Variants in JAZF1 observed in about 807,000 individuals in gnomAD.
The protein encoded by JAZF1 is juxtaposed with another zinc finger protein 1.
JAZF1 carries 8 observed loss-of-function variants against 26.4 expected under a neutral mutation model. The ratio of observed to expected loss-of-function variants is 0.30; its 90% CI spans 0.18 to 0.55. The LOEUF (loss-of-function observed/expected upper bound fraction) is 0.55, where lower values mean the gene tolerates loss of function less well. Ranked by LOEUF, JAZF1 falls within the 20% of genes least tolerant of loss-of-function variation. The pLI is 0.94. For missense variants in JAZF1, 199 were observed against 322.0 expected (o/e 0.62, Z 2.92); for synonymous variants, 126 against 122.3 (o/e 1.03, Z -0.20).
intron 1 of JAZF1, among the ~76,000 whole-genome samples, chr7:28,015,242 A>G (rs762595152): frequency 2.0e-5 from 3 of 152,138 alleles, no homozygotes; most frequent in Admixed American, 6.5e-5. Context: ...CATTTTAAAC[A>G]TTAGGGAACT....
At chr7:28,145,945 T>G (rs1454541523) in intron 1 of JAZF1, among the ~76,000 whole-genome samples, 1 of 152,232 alleles carries the variant, frequency 6.6e-6, no homozygotes, top group Admixed American at 6.5e-5. Flanking sequence ...TGTTGCTATG[T>G]GGATGAGGAG....
chr7:28,038,973 A>C (rs1160802504), intron 1 of JAZF1, among the ~76,000 whole-genome samples: 1 of 152,210 alleles, frequency 6.6e-6, no homozygotes, highest in Non-Finnish European at 1.5e-5. Context: ...AGCAGGTATT[A>C]TCTTTTATCT....
At chr7:27,896,401 A>G (rs1163949654) in intron 2 of JAZF1, among the ~76,000 whole-genome samples, 1 of 152,228 alleles carries the variant, frequency 6.6e-6, no homozygotes, top group South Asian at 2.1e-4. Flanking sequence ...CATAGAAAGC[A>G]TAGTCCATAA....
chr7:28,013,559 C>T (rs1368428093), intron 1 of JAZF1, among the ~76,000 whole-genome samples: 2 of 151,994 alleles, frequency 1.3e-5, no homozygotes, highest in African/African-American at 4.8e-5. Flanking sequence ...TCCCAGGTGA[C>T]GATGATGCTG....
At chr7:27,855,536 CACT>C (rs1408934791) in intron 3 of JAZF1, among the ~76,000 whole-genome samples, 1 of 152,092 alleles carries the variant, frequency 6.6e-6, no homozygotes, top group Non-Finnish European at 1.5e-5. Flanking sequence ...AGGATATCAC[CACT>C]GATTCCACAG....
chr7:27,855,377 G>C (rs1783227675), intron 3 of JAZF1, among the ~76,000 whole-genome samples: 1 of 151,986 alleles, frequency 6.6e-6, no homozygotes, highest in South Asian at 2.1e-4. Context: ...ACTAAGAGCA[G>C]AACTGAAGGA....
At chr7:28,037,580 A>G (rs924542018) in intron 1 of JAZF1, among the ~76,000 whole-genome samples, 1 of 152,158 alleles carries the variant, frequency 6.6e-6, no homozygotes, top group African/African-American at 2.4e-5. Flanking sequence ...CACTTCTCAG[A>G]GCCTCTTTTT....
intron 3 of JAZF1, among the ~76,000 whole-genome samples, chr7:27,856,818 CTAGA>C (rs1379914878): frequency 6.6e-5 from 10 of 152,218 alleles, no homozygotes; most frequent in Admixed American, 5.2e-4. Context: ...ACCAGAGTAA[CTAGA>C]TAGAGAGTGC....
Position 28,007,233 on chromosome 7 carries a change from C to T in JAZF1, c.116-15252G>A, listed in dbSNP as rs984615512. The stretch of plus-strand genomic sequence containing the variant: ...TCTCATGCCCAGTACTTCGGGAGGC[C>T]GAGGTGGGCAGATCACCTGAGGTTA... On this transcript the variant is annotated intron_variant, in intron 1 of 4. Coordinates refer to ENST00000283928, the MANE Select transcript of JAZF1 (RefSeq NM_175061.4). Among the ~76,000 whole-genome samples, 8 of 152,204 alleles carry T rather than the reference C, an allele frequency of 5.3e-5. No homozygotes were observed. In the East Asian group the frequency reaches 5.8e-4, roughly 11 times the overall value.
intron 1 of JAZF1, among the ~76,000 whole-genome samples, chr7:28,137,298 C>T (rs908218433): frequency 7.2e-5 from 11 of 152,180 alleles, no homozygotes; most frequent in African/African-American, 2.7e-4. Context: ...ACCACTCTCA[C>T]CGCTGTGAAA....
intron 2 of JAZF1, among the ~76,000 whole-genome samples, chr7:27,909,932 T>G (rs935992827): frequency 6.6e-6 from 1 of 152,122 alleles, no homozygotes; most frequent in African/African-American, 2.4e-5. Context: ...GAAAAGGAAA[T>G]TTTTCCAACA....
chr7:27,911,942 CATT>C (rs1341584217), intron 2 of JAZF1, among the ~76,000 whole-genome samples: 2 of 152,230 alleles, frequency 1.3e-5, no homozygotes, highest in East Asian at 3.9e-4. Flanking sequence ...GGGGTACAAA[CATT>C]ATTTAAGAGT....
chr7:28,073,063 G>A (rs1299455334), intron 1 of JAZF1, among the ~76,000 whole-genome samples: 1 of 152,154 alleles, frequency 6.6e-6, no homozygotes, highest in Non-Finnish European at 1.5e-5. Flanking sequence ...CTATCGGTAG[G>A]TGTTAGCAGT....
intron 3 of JAZF1, among the ~76,000 whole-genome samples, chr7:27,854,162 A>C (rs1377805019): frequency 6.6e-6 from 1 of 152,116 alleles, no homozygotes; most frequent in Non-Finnish European, 1.5e-5. Flanking sequence ...GCTGGTTTAA[A>C]GTCTGTTTTA....
At chr7:27,899,683 C>T (rs1210266991) in intron 2 of JAZF1, among the ~76,000 whole-genome samples, 1 of 152,112 alleles carries the variant, frequency 6.6e-6, no homozygotes, top group African/African-American at 2.4e-5. Context: ...AATCCTCCCA[C>T]CCAAAGTGTT....
At chr7:28,124,690 G>C (rs906187372) in intron 1 of JAZF1, among the ~76,000 whole-genome samples, 17 of 152,140 alleles carry the variant, frequency 1.1e-4, no homozygotes, top group African/African-American at 4.1e-4. Flanking sequence ...TTAGCCCTTA[G>C]AAAAGGGGGG....
intron 1 of JAZF1, among the ~76,000 whole-genome samples, chr7:28,175,295 T>G (rs1332886777): frequency 6.6e-6 from 1 of 152,154 alleles, no homozygotes; most frequent in Non-Finnish European, 1.5e-5. Flanking sequence ...AGGAAGAGCC[T>G]GATGATGTCA....
chr7:27,898,938 C>T (rs1413637336), intron 2 of JAZF1, among the ~76,000 whole-genome samples: 2 of 152,020 alleles, frequency 1.3e-5, no homozygotes, highest in Non-Finnish European at 2.9e-5. Flanking sequence ...GTTCTAGTGA[C>T]AACCATACAC....
intron 1 of JAZF1, among the ~76,000 whole-genome samples, chr7:28,024,741 C>T (rs1477562947): frequency 6.6e-6 from 1 of 152,138 alleles, no homozygotes; most frequent in African/African-American, 2.4e-5. Context: ...AAAGGGCTCA[C>T]TTTCTGTCAT....
Sources: allele counts gnomAD v4.1 joint callset (sites outside exome capture counted in the v4.1 genomes callset), GRCh38; gene constraint gnomAD v4.1.1; transcripts MANE v1.5; gene names NCBI Gene and HGNC (gene_info 2026-07-23, HGNC 2026-07-21).